Variants in GABRA2 observed in about 807,000 individuals in gnomAD.
GABRA2 encodes gamma-aminobutyric acid type A receptor subunit alpha2.
A neutral mutation model predicts 48.7 loss-of-function variants in GABRA2; 16 were observed. The observed-to-expected ratio is 0.33, with a 90% confidence interval of 0.22 to 0.50. The LOEUF (loss-of-function observed/expected upper bound fraction) is 0.50. Ranked by LOEUF, GABRA2 falls within the 20% of genes least tolerant of loss-of-function variation. The pLI is 0.98. For missense variants in GABRA2, 275 were observed against 535.6 expected (o/e 0.51, Z 4.80); for synonymous variants, 185 against 184.5 (o/e 1.00, Z -0.02).
chr4:46,381,925 T>C (rs1169659103), intron 3 of GABRA2, among the ~76,000 whole-genome samples: 1 of 152,188 alleles, frequency 6.6e-6, no homozygotes, highest in Non-Finnish European at 1.5e-5. Flanking sequence ...GTCAACTCTA[T>C]AGTTGATCAT....
intron 2 of GABRA2, among the ~76,000 whole-genome samples, chr4:46,387,071 G>A (rs1156423521): frequency 6.6e-6 from 1 of 152,120 alleles, no homozygotes; most frequent in Non-Finnish European, 1.5e-5. Context: ...GCAACTAAAT[G>A]TATAAAACAG....
intron 3 of GABRA2, among the ~76,000 whole-genome samples, chr4:46,362,980 T>C (rs1209242507): frequency 6.6e-6 from 1 of 152,160 alleles, no homozygotes; most frequent in Admixed American, 6.5e-5. Context: ...GTAAATATAA[T>C]TCAAATCTTT....
At chr4:46,389,522 G>C (rs142845865) in intron 1 of GABRA2, 197 of 560,834 alleles carry the variant, frequency 3.5e-4, no homozygotes, top group Middle Eastern at 8.9e-4. Flanking sequence ...TGCCGAGCAG[G>C]TGTCCTGGAT....
Position 46,390,030 on chromosome 4 carries a change from G to C in GABRA2, c.-306C>G. 1.5e-6 allele frequency: 1 copy of C among 652,586 alleles called. No homozygotes were observed. The highest frequency in any genetic ancestry group is 1.9e-6 in the Non-Finnish European group (1 of 536,180). The allele number at this position is 652,586 out of a possible 1,614,324, so 40.4% of individuals were successfully genotyped here. ...AGGAGGAGGAGGAAGAGGAGGAGGGGGAAAACGATGACAGGAGCTGGGGCC... is the reference window on the plus strand; with the variant it reads ...AGGAGGAGGAGGAAGAGGAGGAGGGCGAAAACGATGACAGGAGCTGGGGCC... On this transcript the variant is annotated 5_prime_UTR_variant, in exon 1 of 10. Coordinates refer to ENST00000381620, the MANE Select transcript of GABRA2 (RefSeq NM_000807.4).
chr4:46,264,295 T>C lies in GABRA2; in HGVS notation c.857-2167A>G, dbSNP rs1425196409. ...GAGAGTTTTACTTCTTCCTTTCCAA[T>C]CTGTATATTTTTATTTGTTTTTCTT... On this transcript the variant is annotated intron_variant, in intron 8 of 9. Coordinates refer to ENST00000381620, the MANE Select transcript of GABRA2 (RefSeq NM_000807.4). 2.0e-5 allele frequency among the ~76,000 whole-genome samples: 3 copies of C among 152,066 alleles called. No individual in the cohort carries two copies. In the East Asian group the frequency reaches 5.8e-4, roughly 29 times the overall value.
intron 3 of GABRA2, among the ~76,000 whole-genome samples, chr4:46,358,844 G>T (rs1712658800): frequency 6.6e-6 from 1 of 152,112 alleles, no homozygotes; most frequent in South Asian, 2.1e-4. Flanking sequence ...GGTAGAATTT[G>T]TCCATTTGGA....
At chr4:46,366,237 T>C (rs1280943311) in intron 3 of GABRA2, 4 of 152,060 alleles carry the variant, frequency 2.6e-5, no homozygotes, top group African/African-American at 9.7e-5. Flanking sequence ...CACTGCACTG[T>C]CCTTTCTGAT....
At chr4:46,374,553 A>G (rs900651184) in intron 3 of GABRA2, among the ~76,000 whole-genome samples, 4 of 151,902 alleles carry the variant, frequency 2.6e-5, no homozygotes, top group Non-Finnish European at 5.9e-5. Flanking sequence ...ATATAACTCT[A>G]CTCCTCTACT....
At chr4:46,270,831 C>A (rs976228359) in intron 8 of GABRA2, among the ~76,000 whole-genome samples, 1 of 151,590 alleles carries the variant, frequency 6.6e-6, no homozygotes, top group Non-Finnish European at 1.5e-5. Context: ...TAAAAATACA[C>A]GCTGAGAAGA....
intron 4 of GABRA2, among the ~76,000 whole-genome samples, chr4:46,318,288 TGG>T (rs900019779): frequency 2.6e-5 from 4 of 151,268 alleles, no homozygotes; most frequent in Non-Finnish European, 5.9e-5. Flanking sequence ...ATGTTCACTT[TGG>T]TCCATATTTT....
chr4:46,325,614 A>C (rs1730221230), intron 4 of GABRA2, among the ~76,000 whole-genome samples: 1 of 151,982 alleles, frequency 6.6e-6, no homozygotes, highest in Non-Finnish European at 1.5e-5. Context: ...TTTTTGTTAT[A>C]ATTGCTTTCA....
intron 3 of GABRA2, among the ~76,000 whole-genome samples, chr4:46,356,100 C>T (rs2109932664): frequency 6.6e-6 from 1 of 152,264 alleles, no homozygotes; most frequent in Non-Finnish European, 1.5e-5. Context: ...GCACTCAATG[C>T]CCCTGACCAT....
rs1471976142 is a variant in GABRA2, at chr4:46,249,798, G to C, written c.*510C>G. On this transcript the variant is annotated 3_prime_UTR_variant, in exon 10 of 10. Coordinates refer to ENST00000381620, the MANE Select transcript of GABRA2 (RefSeq NM_000807.4). Reference sequence around the variant, plus strand: ...ATTCATAGCTGATTTCAAATCTCTAGTTTTTCTTATGTGTACCAAGCTTCC... The same window carrying C: ...ATTCATAGCTGATTTCAAATCTCTACTTTTTCTTATGTGTACCAAGCTTCC... 3 of 153,384 alleles carry C rather than the reference G, an allele frequency of 2.0e-5. No homozygotes were observed. Among genetic ancestry groups the C allele is most frequent in the Non-Finnish European group, 2.9e-5 (2 of 69,110 alleles). 9.5% of individuals were successfully genotyped at this position (153,384 alleles called of 1,614,324 possible).
intron 8 of GABRA2, among the ~76,000 whole-genome samples, chr4:46,262,883 C>A: frequency 7.5e-6 from 1 of 132,966 alleles, no homozygotes; most frequent in Non-Finnish European, 1.6e-5. Flanking sequence ...GGCGACAGAG[C>A]AAAAGTCCGT....
At chr4:46,364,998 A>G (rs1321741071) in intron 3 of GABRA2, 1 of 152,212 alleles carries the variant, frequency 6.6e-6, no homozygotes, top group Non-Finnish European at 1.5e-5. Flanking sequence ...TCATTTTAAA[A>G]GGTTACCTTT....
intron 3 of GABRA2, among the ~76,000 whole-genome samples, chr4:46,371,941 C>A (rs1174568545): frequency 6.6e-6 from 1 of 152,186 alleles, no homozygotes; most frequent in African/African-American, 2.4e-5. Context: ...GAGCTAATCA[C>A]TTCCTTGCTG....
At chr4:46,329,338 C>T (rs911203633) in intron 4 of GABRA2, among the ~76,000 whole-genome samples, 1 of 152,092 alleles carries the variant, frequency 6.6e-6, no homozygotes, top group African/African-American at 2.4e-5. Context: ...GAGAAGGGAG[C>T]TTTTCTTTCT....
At chr4:46,293,114 T>C (rs1482092246) in intron 8 of GABRA2, among the ~76,000 whole-genome samples, 1 of 152,176 alleles carries the variant, frequency 6.6e-6, no homozygotes, top group African/African-American at 2.4e-5. Flanking sequence ...ATGGTGACTC[T>C]ATAAGTGAAA....
At chr4:46,303,434 G>A (rs1726106704) in intron 8 of GABRA2, 26 bp downstream of exon 8, 1 of 1,593,230 alleles carries the variant, frequency 6.3e-7, no homozygotes, top group Non-Finnish European at 8.6e-7. Context: ...ATAATGTGCT[G>A]TACTGCAAAG....
Sources: gnomAD v4.1 joint callset for allele counts (sites outside exome capture counted in the v4.1 genomes callset) on GRCh38, gnomAD v4.1.1 for gene constraint, MANE v1.5 for transcripts, NCBI Gene and HGNC (gene_info 2026-07-23, HGNC 2026-07-21) for gene names.